The following KLF8 variants were observed in gnomAD, a reference collection of about 807,000 sequenced individuals.
The protein encoded by KLF8 is Krueppel-like factor 8.
A neutral mutation model predicts 18.2 loss-of-function variants in KLF8; 10 were observed. That is an observed-to-expected ratio of 0.55 (90% CI 0.34 to 0.93). The LOEUF (loss-of-function observed/expected upper bound fraction) is 0.93. KLF8 is among the 40% of genes least tolerant of loss of function. The pLI is 0.02. For synonymous variants in KLF8, 109 were observed against 97.3 expected, an observed-to-expected ratio of 1.12 and a Z score of -0.71; for missense variants, 264 against 277.9, an observed-to-expected ratio of 0.95 and a Z score of 0.36.
the KLF8 span, among the ~76,000 whole-genome samples, chrX:56,213,309 CTTTTCTTTTTTTT>C: frequency 8.5e-5 from 2 of 23,491 alleles, no homozygotes; most frequent in African/African-American, 2.0e-4. Context: ...CTTTTCTTTT[CTTTTCTTTTTTTT>C]TTTTTTTTTT....
At chrX:56,189,551 C>T in the KLF8 span, among the ~76,000 whole-genome samples, 1 of 111,004 alleles carries the variant, frequency 9.0e-6, no homozygotes, top group Non-Finnish European at 1.9e-5. Context: ...AATCATGCTG[C>T]TATAAAATCA....
At chrX:56,110,768 A>G in the KLF8 span, among the ~76,000 whole-genome samples, 16 of 112,003 alleles carry the variant, frequency 1.4e-4, no homozygotes, top group African/African-American at 5.2e-4. Flanking sequence ...GTCACAAATT[A>G]TATCTTTACA....
chrX:56,073,742 T>C, the KLF8 span, among the ~76,000 whole-genome samples: 1 of 95,957 alleles, frequency 1.0e-5, no homozygotes, highest in South Asian at 5.9e-4. Context: ...TGATGACTAA[T>C]GATGGCTTTT....
chrX:56,185,958 TGCATCAACTAACGA>T, the KLF8 span, among the ~76,000 whole-genome samples: 3 of 112,065 alleles, frequency 2.7e-5, no homozygotes, highest in Admixed American at 2.8e-4. Context: ...AGGAAGTAAC[TGCATCAACTAACGA>T]GCAAAAAAAC....
the KLF8 span, among the ~76,000 whole-genome samples, chrX:56,147,308 AAGG>A: frequency 8.9e-6 from 1 of 111,735 alleles, no homozygotes; most frequent in Non-Finnish European, 1.9e-5. Context: ...ATTCAACTGT[AAGG>A]AGAATTTCTG....
intron 2 of KLF8, among the ~76,000 whole-genome samples, chrX:56,254,113 G>GACAAGA (rs1369933894): frequency 9.0e-6 from 1 of 111,152 alleles, no homozygotes; most frequent in East Asian, 2.8e-4. Flanking sequence ...ACTGCGCCCA[G>GACAAGA]ACAAGAATGT....
At chrX:56,126,954 T>C in the KLF8 span, among the ~76,000 whole-genome samples, 2 of 108,838 alleles carry the variant, frequency 1.8e-5, no homozygotes, top group African/African-American at 6.7e-5. Context: ...GGTTTCACCA[T>C]GTTGGCTAGG....
At chrX:55,987,933 G>T in the KLF8 span, among the ~76,000 whole-genome samples, 1 of 112,113 alleles carries the variant, frequency 8.9e-6, no homozygotes, top group Non-Finnish European at 1.9e-5. Flanking sequence ...GTTTTGATTT[G>T]CATTTCTCTG....
At chrX:56,189,444 T>C in the KLF8 span, among the ~76,000 whole-genome samples, 1 of 111,466 alleles carries the variant, frequency 9.0e-6, no homozygotes, top group Non-Finnish European at 1.9e-5. Flanking sequence ...AGTTCAACCC[T>C]TGTGGAAGTC....
chrX:56,160,559 G>A, the KLF8 span, among the ~76,000 whole-genome samples: 1 of 111,610 alleles, frequency 9.0e-6, no homozygotes, highest in Admixed American at 9.5e-5. Flanking sequence ...CTTGCTTTAT[G>A]AATCTGGGTG....
At chrX:56,052,806 C>A in the KLF8 span, among the ~76,000 whole-genome samples, 8 of 112,053 alleles carry the variant, frequency 7.1e-5, no homozygotes, top group Non-Finnish European at 1.5e-4. Flanking sequence ...CCAGTTGGAG[C>A]TTCCTGGCTG....
the KLF8 span, among the ~76,000 whole-genome samples, chrX:56,222,307 G>A: frequency 9.9e-5 from 11 of 110,779 alleles, no homozygotes; most frequent in African/African-American, 3.6e-4. Context: ...GTGCCGATTG[G>A]TGTATTCACA....
the KLF8 span, among the ~76,000 whole-genome samples, chrX:55,975,481 A>T: frequency 1.8e-5 from 2 of 111,743 alleles, no homozygotes; most frequent in African/African-American, 6.5e-5. Flanking sequence ...TAAAGTCCCG[A>T]ATTTCATCCT....
At chrX:56,095,678 G>A in the KLF8 span, among the ~76,000 whole-genome samples, 5 of 111,222 alleles carry the variant, frequency 4.5e-5, no homozygotes, top group East Asian at 5.6e-4. Flanking sequence ...AAAGACATAC[G>A]AGTGACTAAG....
the KLF8 span, among the ~76,000 whole-genome samples, chrX:55,939,398 G>A: frequency 9.0e-6 from 1 of 111,098 alleles, no homozygotes; most frequent in Non-Finnish European, 1.9e-5. Context: ...GAAATTTATA[G>A]CACTAAATGC....
chrX:56,055,272 T>C, the KLF8 span, among the ~76,000 whole-genome samples: 4 of 112,299 alleles, frequency 3.6e-5, no homozygotes, highest in Non-Finnish European at 7.5e-5. Context: ...GTAGGTTTGA[T>C]GGCAACAAAT....
chrX:56,265,060 C>T (rs913958514), intron 2 of KLF8, 120 bp from the exon 3 acceptor site: 2 of 889,795 alleles, frequency 2.2e-6, no homozygotes, highest in Admixed American at 4.2e-5. Context: ...CCTTATTTCT[C>T]CCAGCACCAT....
the KLF8 span, among the ~76,000 whole-genome samples, chrX:55,940,431 G>T: frequency 9.0e-6 from 1 of 111,553 alleles, no homozygotes. Flanking sequence ...ATATTGAATG[G>T]ACAAAAACTG....
the KLF8 span, among the ~76,000 whole-genome samples, chrX:56,083,329 C>T: frequency 8.9e-6 from 1 of 111,964 alleles, no homozygotes; most frequent in South Asian, 3.7e-4. Context: ...ACATGTATCT[C>T]ATAAAACCAG....
Sources: allele counts gnomAD v4.1 joint callset (sites outside exome capture counted in the v4.1 genomes callset), GRCh38; gene constraint gnomAD v4.1.1; transcripts MANE v1.5; gene names NCBI Gene and HGNC (gene_info 2026-07-23, HGNC 2026-07-21).